DMD: variants seen among roughly 807,000 people sequenced by gnomAD.
The protein encoded by DMD is mutant dystrophin.
In DMD, 63 loss-of-function variants were observed where a neutral mutation model predicts 330.1. That is an observed-to-expected ratio of 0.19 (90% CI 0.16 to 0.24). The LOEUF is 0.24. Among genes scored for constraint, DMD ranks in the 10% least tolerant of loss-of-function variants. The probability of loss-of-function intolerance (pLI) is 1.00; values close to 1 mark genes in which losing one functional copy is unlikely to be tolerated. For synonymous variants in DMD, 1,223 were observed against 959.8 expected (o/e 1.27, Z -5.07); for missense variants, 3,344 against 2,684.1 (o/e 1.25, Z -5.43).
chrX:32,115,946 T>A (rs2096608714), intron 44 of DMD, among the ~76,000 whole-genome samples: 1 of 112,085 alleles, frequency 8.9e-6, no homozygotes, highest in Non-Finnish European at 1.9e-5. Flanking sequence ...TACTCAGCAA[T>A]GATGAATGAA....
intron 60 of DMD, among the ~76,000 whole-genome samples, chrX:31,441,321 A>G (rs768473234): frequency 3.6e-5 from 4 of 111,198 alleles, no homozygotes; most frequent in Admixed American, 9.6e-5. Context: ...CTCAGCCTCC[A>G]GAGTAGCTAG....
At chrX:32,296,467 T>C (rs2097496898) in intron 42 of DMD, among the ~76,000 whole-genome samples, 1 of 111,685 alleles carries the variant, frequency 9.0e-6, no homozygotes, top group South Asian at 3.8e-4. Flanking sequence ...AGCCATTTCT[T>C]CATCTTCAAC....
chrX:32,695,540 T>C (rs929416310), intron 9 of DMD, among the ~76,000 whole-genome samples: 4 of 111,601 alleles, frequency 3.6e-5, no homozygotes, highest in Non-Finnish European at 7.5e-5. Context: ...ATTAGGGCTC[T>C]GAATAACATT....
chrX:33,128,217 G>A (rs922470645), intron 1 of DMD: 2 of 1,189,294 alleles, frequency 1.7e-6, no homozygotes, highest in Non-Finnish European at 2.3e-6. Flanking sequence ...GCTTTTTGCT[G>A]ATTTCCCTGT....
intron 73 of DMD, among the ~76,000 whole-genome samples, chrX:31,171,445 T>C (rs979909481): frequency 1.8e-5 from 2 of 110,732 alleles, no homozygotes; most frequent in Admixed American, 9.7e-5. Flanking sequence ...CATTCTTCCC[T>C]TTGTCTATAT....
At chrX:31,123,539 T>C (rs773635697) in intron 78 of DMD, among the ~76,000 whole-genome samples, 10 of 112,025 alleles carry the variant, frequency 8.9e-5, no homozygotes, top group Non-Finnish European at 1.9e-4. Context: ...AGTACAAATA[T>C]ATAACTGCTG....
At chrX:31,144,977 C>G (rs1165870469) in intron 76 of DMD, among the ~76,000 whole-genome samples, 1 of 111,957 alleles carries the variant, frequency 8.9e-6, no homozygotes, top group East Asian at 2.8e-4. Flanking sequence ...CTCATCAGCT[C>G]CACCTTTCTT....
intron 2 of DMD, among the ~76,000 whole-genome samples, chrX:32,955,609 G>T (rs372902937): frequency 5.0e-4 from 56 of 111,577 alleles, no homozygotes; most frequent in African/African-American, 1.6e-3. Flanking sequence ...TGAAACCTTT[G>T]TCTGTTCCTA....
chrX:32,340,398 T>A (rs1432738433), intron 41 of DMD, among the ~76,000 whole-genome samples: 1 of 111,717 alleles, frequency 9.0e-6, no homozygotes, highest in African/African-American at 3.3e-5. Context: ...AAATATATAC[T>A]GGTTCACACA....
chrX:32,735,486 G>T (rs1024185272), intron 7 of DMD, among the ~76,000 whole-genome samples: 40 of 111,454 alleles, frequency 3.6e-4, no homozygotes, highest in Non-Finnish European at 7.0e-4. Flanking sequence ...GAACAAAGCT[G>T]GAGGCATCAC....
intron 62 of DMD, among the ~76,000 whole-genome samples, chrX:31,323,339 G>GA (rs902587614): frequency 8.9e-6 from 1 of 111,883 alleles, no homozygotes; most frequent in Non-Finnish European, 1.9e-5. Context: ...GTTCTATTGT[G>GA]AAAAATCCGC....
intron 61 of DMD, among the ~76,000 whole-genome samples, chrX:31,330,214 A>C (rs1416548099): frequency 9.4e-6 from 1 of 105,957 alleles, no homozygotes; most frequent in East Asian, 2.9e-4. Context: ...CTATAAAAGT[A>C]CAAAAAAAAA....
At chrX:32,063,464 T>C (rs2096241633) in intron 44 of DMD, among the ~76,000 whole-genome samples, 1 of 111,094 alleles carries the variant, frequency 9.0e-6, no homozygotes, top group Non-Finnish European at 1.9e-5. Context: ...AAATGTTATT[T>C]ATGCTTTATG....
At chrX:31,889,105 G>A (rs1461388979) in intron 47 of DMD, among the ~76,000 whole-genome samples, 2 of 111,635 alleles carry the variant, frequency 1.8e-5, no homozygotes, top group East Asian at 5.6e-4. Context: ...AATACATTAC[G>A]AGGTAAATGA....
intron 2 of DMD, among the ~76,000 whole-genome samples, chrX:33,009,983 T>C (rs201165479): frequency 0.32 from 19,697 of 61,864 alleles, 5,155 homozygotes; most frequent in East Asian, 0.43. Context: ...TGTATACACA[T>C]GTGTGTATAT....
intron 44 of DMD, among the ~76,000 whole-genome samples, chrX:32,047,791 A>AGG (rs1456956498): frequency 9.0e-6 from 1 of 111,105 alleles, no homozygotes; most frequent in East Asian, 2.8e-4. Flanking sequence ...TGGAAGGCTG[A>AGG]GGGCTAATTT....
chrX:32,648,106 C>T (rs2059899701), intron 9 of DMD, among the ~76,000 whole-genome samples: 1 of 111,710 alleles, frequency 9.0e-6, no homozygotes, highest in African/African-American at 3.3e-5. Flanking sequence ...TTGATATTTA[C>T]ACAGGATTGA....
At chrX:32,140,200 C>A (rs935129340) in intron 44 of DMD, among the ~76,000 whole-genome samples, 1 of 112,032 alleles carries the variant, frequency 8.9e-6, no homozygotes, top group Admixed American at 9.5e-5. Context: ...CAATATGATG[C>A]CACAACACAC....
At chrX:31,395,410 C>G (rs951679338) in intron 60 of DMD, among the ~76,000 whole-genome samples, 2 of 112,106 alleles carry the variant, frequency 1.8e-5, no homozygotes, top group Non-Finnish European at 3.8e-5. Context: ...TTTTCCCTGA[C>G]TTGAATTAGC....
Sources: allele counts gnomAD v4.1 joint callset (sites outside exome capture counted in the v4.1 genomes callset), GRCh38; gene constraint gnomAD v4.1.1; transcripts MANE v1.5; gene names NCBI Gene and HGNC (gene_info 2026-07-23, HGNC 2026-07-21).